The following BRMS1 variants were observed in gnomAD, a reference collection of about 807,000 sequenced individuals.
BRMS1 encodes breast cancer metastasis-suppressor 1.
In BRMS1, 26 loss-of-function variants were observed where a neutral mutation model predicts 40.4. That is an observed-to-expected ratio of 0.64 (90% CI 0.47 to 0.89). The LOEUF is 0.89. Among genes scored for constraint, BRMS1 ranks in the 40% least tolerant of loss-of-function variants. BRMS1 has a pLI of 0.00. For missense variants in BRMS1, 289 were observed against 309.4 expected (o/e 0.93, Z 0.49); for synonymous variants, 103 against 116.0 (o/e 0.89, Z 0.72).
intron 6 of BRMS1, 66 bp downstream of exon 6, chr11:66,340,708 C>T: frequency 7.3e-7 from 1 of 1,377,264 alleles, no homozygotes; most frequent in Non-Finnish European, 1.0e-6. Context: ...ACATCTGAAG[C>T]CCAAAGAGGG....
intron 7 of BRMS1, chr11:66,339,848 C>G (rs2134961492): frequency 2.8e-6 from 1 of 362,126 alleles, no homozygotes; most frequent in Middle Eastern, 7.4e-4. Context: ...GCAATCTACC[C>G]GCCTTGGCCT....
chr11:66,340,743 A>G, intron 6 of BRMS1, 31 bp downstream of exon 6: 1 of 1,586,178 alleles, frequency 6.3e-7, no homozygotes, highest in South Asian at 1.1e-5. Context: ...AGCGGGGCCC[A>G]GTTCCGGGGT....
In BRMS1 at chr11:66,338,747, G is replaced by C; in HGVS notation, c.667C>G (p.Leu223Val). ...TTTTTGATGGCTGTCCAGTCCTCCA[G>C]GATGTCGATCTCTTGAAGCATGTAC... ...IVYMLQEIDI[L>V]EDWTAIKKAR... The change falls in exon 8 of 10, where the codon CTG becomes GTG. Residue 223 changes from leucine (L) to valine (V), a missense_variant. Leu to Val is a conservative substitution (Grantham distance 32, BLOSUM62 1). Coordinates refer to ENST00000359957, the MANE Select transcript of BRMS1 (RefSeq NM_015399.4). 6.3e-7 allele frequency: 1 copy of C among 1,596,150 alleles called. No homozygotes were observed. Among genetic ancestry groups the C allele is most frequent in the South Asian group, 1.1e-5 (1 of 89,188 alleles).
intron 1 of BRMS1, among the ~76,000 whole-genome samples, chr11:66,344,403 G>T (rs942484980): frequency 2.0e-5 from 3 of 152,126 alleles, no homozygotes; most frequent in East Asian, 3.8e-4. Flanking sequence ...GACTTGAAAG[G>T]CTCGGTTCTC....
rs1855058138 is a variant in BRMS1 at position 66,341,127 on chromosome 11, C to T, written c.358+79G>A. 1 of 1,612,076 alleles carries T rather than the reference C, an allele frequency of 6.2e-7. No individual in the cohort carries two copies. Among genetic ancestry groups the T allele is most frequent in the Non-Finnish European group, 8.5e-7 (1 of 1,179,174 alleles). ...GGAGGGCTGAGAGCAAAGGGCAAGG[C>T]CGGGCAGGAACGAGAGAGGAAGGGG... is the stretch of plus-strand genomic sequence containing the variant. On this transcript the variant is annotated intron_variant, in intron 4 of 9. Coordinates refer to ENST00000359957, the MANE Select transcript of BRMS1 (RefSeq NM_015399.4). This position sits in a 1 kb window ranked among gnomAD's most constrained non-coding sequence, Gnocchi z 4.9.
At position 66,341,605 on chromosome 11, in the gene BRMS1, T is replaced by C. The variant is rs1272276930; in HGVS notation, c.158A>G (p.Tyr53Cys). ...GACACACTCGCTGCGGCGTCGCTCA[T>C]AGTCCTCATCATCCATCTCTGGGAC... ...EESSEMDDEDYERRRSECVSE... is the reference protein window; with the variant it reads ...EESSEMDDEDCERRRSECVSE... Residue 53 changes from tyrosine (Y) to cysteine (C), a missense_variant, in exon 3 of 10, where the codon TAT becomes TGT. Transcript: ENST00000359957. This position sits in a 1 kb window ranked among gnomAD's most constrained non-coding sequence, Gnocchi z 4.9. 8.1e-6 allele frequency: 13 copies of C among 1,614,102 alleles called. No individual in the cohort carries two copies. The highest frequency in any genetic ancestry group is 7.7e-5 in the South Asian group (7 of 91,088).
rs1555015522 is a variant in BRMS1 at position 66,342,110 on chromosome 11, T to A, written c.125A>T (p.Glu42Val). The A allele has an allele frequency of 6.2e-7, 1 of 1,613,526 alleles. No individual in the cohort carries two copies. Among genetic ancestry groups the A allele is most frequent in the Non-Finnish European group, 8.5e-7 (1 of 1,179,988 alleles). ...EERSGSQTESEEESSEMDDED... is the reference protein window; with the variant it reads ...EERSGSQTESVEESSEMDDED... ...TAGGGGCTCACCGGAGCTCTCCTCT[T>A]CTGACTCTGTCTGGCTGCCGCTCCG... The change falls in exon 2 of 10, where the codon GAA (glutamate) becomes GTA (valine). Residue 42 changes from glutamate (E) to valine (V), a missense_variant. Coordinates refer to ENST00000359957, the MANE Select transcript of BRMS1 (RefSeq NM_015399.4).
chr11:66,338,418 C>A, intron 8 of BRMS1, 136 bp from the exon 9 acceptor site: 1 of 1,517,124 alleles, frequency 6.6e-7, no homozygotes, highest in South Asian at 1.3e-5. Flanking sequence ...AGGCCCCACC[C>A]AGGCAGAGCT....
chr11:66,341,866 G>A lies in BRMS1; in HGVS notation c.139+230C>T, dbSNP rs1396635209. On this transcript the variant is annotated intron_variant, in intron 2 of 9. Transcript: ENST00000359957. The surrounding 1 kb of genome is among the most constrained non-coding windows in gnomAD (Gnocchi z 4.9). ...CTGTGTGCACGTGTACTTGTGTGAA[G>A]GGGCTGTGTGTGTGCATACGTGCTT... The A allele has an allele frequency of 1.5e-6, 1 of 665,516 alleles. No individual in the cohort carries two copies. Among genetic ancestry groups the A allele is most frequent in the Admixed American group, 2.2e-5 (1 of 44,878 alleles). 41.2% of individuals were successfully genotyped at this position (665,516 alleles called of 1,614,324 possible).
At chr11:66,342,266 CT>C (rs764393159) in intron 1 of BRMS1, 25 bp from the exon 2 acceptor site, 8 of 1,608,714 alleles carry the variant, frequency 5.0e-6, no homozygotes, top group Non-Finnish European at 6.8e-6. Flanking sequence ...GGAGCTATCA[CT>C]TATGGCTGCC....
chr11:66,341,286 A>G lies in BRMS1; in HGVS notation c.278T>C (p.Val93Ala), dbSNP rs760946811. The G allele has an allele frequency of 1.9e-6, 3 of 1,613,406 alleles. No individual in the cohort carries two copies. The highest frequency in any genetic ancestry group is 1.7e-5 in the Admixed American group (1 of 60,002). Residue 93 changes from valine (V) to alanine (A), a missense_variant, in exon 4 of 10, where the codon GTG (valine) becomes GCG (alanine). Physicochemically the swap from Val to Ala is moderately conservative, Grantham distance 64. Coordinates refer to ENST00000359957, the MANE Select transcript of BRMS1 (RefSeq NM_015399.4). This position sits in a 1 kb window ranked among gnomAD's most constrained non-coding sequence, Gnocchi z 4.9. ...LSQLRLRLEE[V>A]GAERAPEYTE... ...GTATTCAGGGGCTCTCTCAGCCCCCACTTCCTCCAGCCGCAACCGCAGCTG... is the reference window on the plus strand; with the variant it reads ...GTATTCAGGGGCTCTCTCAGCCCCCGCTTCCTCCAGCCGCAACCGCAGCTG...
In BRMS1 at chr11:66,341,090, G is replaced by A. The variant is rs560860613; in HGVS notation, c.359-44C>T. ...GGGTCCCTGCTTGGCTGGGGAGCCC[G>A]GTGCCCACATAGGAGGGCTGAGAGC... On this transcript the variant is annotated intron_variant, in intron 4 of 9. Coordinates refer to ENST00000359957, the MANE Select transcript of BRMS1 (RefSeq NM_015399.4). The surrounding 1 kb of genome is among the most constrained non-coding windows in gnomAD (Gnocchi z 4.9). 5.0e-5 allele frequency: 81 copies of A among 1,611,008 alleles called. No homozygotes were observed. The highest frequency in any genetic ancestry group is 3.3e-4 in the Middle Eastern group (2 of 6,060).
Position 66,341,244 on chromosome 11 carries a change from C to A in BRMS1, c.320G>T (p.Gly107Val), listed in dbSNP as rs148062689. Reference protein sequence around the residue: ...RAPEYTEPLGGLQRSLKIRIQ... With the variant: ...RAPEYTEPLGVLQRSLKIRIQ... ...GCGAATCTTGAGGCTCCGCTGCAGC[C>A]CCCCAAGGGGCTCCGTGTATTCAGG... Residue 107 changes from glycine (G) to valine (V), a missense_variant, in exon 4 of 10, where the codon GGG (glycine) becomes GTG (valine). Coordinates refer to ENST00000359957, the MANE Select transcript of BRMS1 (RefSeq NM_015399.4). This position sits in a 1 kb window ranked among gnomAD's most constrained non-coding sequence, Gnocchi z 4.9. 6.2e-7 allele frequency: 1 copy of A among 1,613,246 alleles called. No homozygotes were observed. The highest frequency in any genetic ancestry group is 1.7e-5 in the Admixed American group (1 of 59,986).
At chr11:66,339,280 A>T (rs1410539010) in intron 7 of BRMS1, among the ~76,000 whole-genome samples, 1 of 152,222 alleles carries the variant, frequency 6.6e-6, no homozygotes, top group Non-Finnish European at 1.5e-5. Flanking sequence ...CTGCTGCAGG[A>T]ATACCCTCAG....
At position 66,337,573 on chromosome 11, in the gene BRMS1, G is replaced by T; in HGVS notation, c.*309C>A. The T allele has an allele frequency of 9.6e-7, 1 of 1,041,158 alleles. No individual in the cohort carries two copies. Among genetic ancestry groups the T allele is most frequent in the Non-Finnish European group, 1.4e-6 (1 of 732,608 alleles). 64.5% of individuals were successfully genotyped at this position (1,041,158 alleles called of 1,614,324 possible). On this transcript the variant is annotated 3_prime_UTR_variant, in exon 10 of 10. Transcript: ENST00000359957. ...AGAGGATGTGGCTTTGACTTCGGCT[G>T]TCTTCTCTGTCAGGGGAGCCCCAAG...
At chr11:66,343,213 A>G (rs1015080171) in intron 1 of BRMS1, among the ~76,000 whole-genome samples, 3 of 152,220 alleles carry the variant, frequency 2.0e-5, no homozygotes, top group Non-Finnish European at 4.4e-5. Flanking sequence ...CCTCAATCTC[A>G]GCTGAAACTG....
rs1308843884 is a variant in BRMS1, at chr11:66,337,488, C to T, written c.*394G>A. On this transcript the variant is annotated 3_prime_UTR_variant, in exon 10 of 10. Coordinates refer to ENST00000359957, the MANE Select transcript of BRMS1 (RefSeq NM_015399.4). ...ATAATCACGTCTGACTCAGAGTTCC[C>T]GCACAGTGGAAACTGGCTCCCTGGC... 4 of 607,040 alleles carry T rather than the reference C, an allele frequency of 6.6e-6. No homozygotes were observed. Among genetic ancestry groups the T allele is most frequent in the South Asian group, 4.2e-5 (2 of 47,782 alleles). 37.6% of individuals were successfully genotyped at this position (607,040 alleles called of 1,614,324 possible).
chr11:66,341,411 C>T lies in BRMS1; in HGVS notation c.231-78G>A, dbSNP rs1590929258. The T allele has an allele frequency of 6.2e-7, 1 of 1,603,220 alleles. No individual in the cohort carries two copies. The highest frequency in any genetic ancestry group is 2.2e-5 in the East Asian group (1 of 44,666). On this transcript the variant is annotated intron_variant, in intron 3 of 9. Coordinates refer to ENST00000359957, the MANE Select transcript of BRMS1 (RefSeq NM_015399.4). The surrounding 1 kb of genome is among the most constrained non-coding windows in gnomAD (Gnocchi z 4.9). ...GCAAACACATACCCAGCACCCATTCCACAGCAAGCCCGGTGTTAGGCGCGC... is the reference window on the plus strand; with the variant it reads ...GCAAACACATACCCAGCACCCATTCTACAGCAAGCCCGGTGTTAGGCGCGC...
rs761688933 is a variant in BRMS1, at chr11:66,337,860, C to G, written c.*22G>C. 1.2e-6 allele frequency: 2 copies of G among 1,614,126 alleles called. No homozygotes were observed. Among genetic ancestry groups the G allele is most frequent in the South Asian group, 2.2e-5 (2 of 91,076 alleles). On this transcript the variant is annotated 3_prime_UTR_variant, in exon 10 of 10. Transcript: ENST00000359957. The stretch of plus-strand genomic sequence containing the variant: ...TGCAGTGCCAGCTGCTCTGAGGGTC[C>G]CCCTGGCTGTGAACAGCAGGGTCAA...
Sources: allele counts gnomAD v4.1 joint callset (sites outside exome capture counted in the v4.1 genomes callset), GRCh38; gene constraint gnomAD v4.1.1; non-coding constraint Gnocchi (gnomAD v3.1); transcripts MANE v1.5; gene names NCBI Gene and HGNC (gene_info 2026-07-23, HGNC 2026-07-21).